BTBD9: variants seen among roughly 807,000 people sequenced by gnomAD.
BTBD9 encodes the protein BTB domain containing 9.
In BTBD9, 49 loss-of-function variants were observed where a neutral mutation model predicts 64.3. The observed-to-expected ratio is 0.76, with a 90% CI of 0.61 to 0.97. The LOEUF is 0.97. Among genes scored for constraint, BTBD9 ranks in the 50% least tolerant of loss-of-function variants. The probability of loss-of-function intolerance (pLI) is 0.00; values close to 1 mark genes in which losing one functional copy is unlikely to be tolerated. For missense variants in BTBD9, 598 were observed against 762.1 expected (o/e 0.78, Z 2.53); for synonymous variants, 260 against 274.7 (o/e 0.95, Z 0.53).
At position 38,214,010 on chromosome 6, in the gene BTBD9, A is replaced by AAATAATAATAATAAT. The variant is rs3047750; in HGVS notation, c.1563-21428_1563-21414dup. ...GACTCCATCTCAAATAAACAAACAA[A>AAATAATAATAATAAT]AATAATAATAATAATAATAATAATT... On this transcript the variant is annotated intron_variant, in intron 9 of 10. Coordinates refer to ENST00000481247, the MANE Select transcript of BTBD9 (RefSeq NM_001099272.2). Among the ~76,000 whole-genome samples, 122 of 147,618 alleles carry AAATAATAATAATAAT rather than the reference A, an allele frequency of 8.3e-4. 1 individual carries two copies. The highest frequency in any genetic ancestry group is 2.8e-3 in the African/African-American group (114 of 40,368).
intron 6 of BTBD9, among the ~76,000 whole-genome samples, chr6:38,358,782 T>A (rs74911635): frequency 3.3e-5 from 5 of 151,894 alleles, no homozygotes; most frequent in Non-Finnish European, 7.4e-5. Flanking sequence ...TTTTTTTTTT[T>A]GAGACGGAGT....
intron 6 of BTBD9, among the ~76,000 whole-genome samples, chr6:38,519,363 T>C (rs1275536877): frequency 6.6e-6 from 1 of 152,250 alleles, no homozygotes; most frequent in Non-Finnish European, 1.5e-5. Context: ...ATAATACCTA[T>C]GCTGAAGTAT....
chr6:38,327,171 T>A (rs1458273361), intron 7 of BTBD9, among the ~76,000 whole-genome samples: 1 of 152,054 alleles, frequency 6.6e-6, no homozygotes, highest in Non-Finnish European at 1.5e-5. Flanking sequence ...CTGTACCAAA[T>A]CCTGTCTTAA....
Position 38,435,580 on chromosome 6 carries a change from C to T in BTBD9, c.1155-90487G>A, listed in dbSNP as rs371688815. On this transcript the variant is annotated intron_variant, in intron 6 of 10. Transcript: ENST00000481247. ...TTTTCTTTCTTTCCTTCTTTCCTTC[C>T]TTCTTTCTTTTCTTTTCCCTCCCTT... 6.0e-4 allele frequency among the ~76,000 whole-genome samples: 88 copies of T among 146,780 alleles called. 1 individual carries two copies. The highest frequency in any genetic ancestry group is 2.1e-3 in the African/African-American group (82 of 39,578).
intron 6 of BTBD9, among the ~76,000 whole-genome samples, chr6:38,374,112 A>G (rs1008887706): frequency 1.3e-5 from 2 of 150,350 alleles, no homozygotes; most frequent in Non-Finnish European, 3.0e-5. Flanking sequence ...TCTACTAAAA[A>G]TACAAAATTA....
chr6:38,612,021 T>G (rs953368851), intron 1 of BTBD9, among the ~76,000 whole-genome samples: 4 of 152,208 alleles, frequency 2.6e-5, no homozygotes, highest in Non-Finnish European at 5.9e-5. Flanking sequence ...AACGCTATTA[T>G]CCTGAGAATC....
In BTBD9 at chr6:38,235,050, T is replaced by C. The variant is rs77460110; in HGVS notation, c.1562+21359A>G. Among the ~76,000 whole-genome samples, 1,478 of 152,370 alleles carry C rather than the reference T, an allele frequency of 9.7e-3. 18 individuals are homozygous for C. The highest frequency in any genetic ancestry group is 0.033 in the African/African-American group (1,357 of 41,580). On this transcript the variant is annotated intron_variant, in intron 9 of 10. Transcript: ENST00000481247. ...TCTGAGCCCTCCACCAGTTAAGTTC[T>C]AGTACATAGTGGGTACACAGTAACT...
intron 6 of BTBD9, among the ~76,000 whole-genome samples, chr6:38,568,333 C>G (rs767158373): frequency 6.6e-6 from 1 of 152,228 alleles, no homozygotes; most frequent in African/African-American, 2.4e-5. Flanking sequence ...GTCCCTCCAT[C>G]TTCTTGGTCA....
Position 38,265,698 on chromosome 6 carries a change from T to C in BTBD9, c.1455-9182A>G, listed in dbSNP as rs116519230. 6.9e-3 allele frequency among the ~76,000 whole-genome samples: 1,057 copies of C among 152,114 alleles called. 8 individuals carry two copies. Among genetic ancestry groups the C allele is most frequent in the African/African-American group, 0.023 (957 of 41,494 alleles). On this transcript the variant is annotated intron_variant, in intron 8 of 10. Coordinates refer to ENST00000481247, the MANE Select transcript of BTBD9 (RefSeq NM_001099272.2). Reference sequence around the variant, plus strand: ...AGGCCTGGCTAATTTTTTGTATTTTTTTGTAGAGAAGGTGATTTGCCATGT... The same window carrying C: ...AGGCCTGGCTAATTTTTTGTATTTTCTTGTAGAGAAGGTGATTTGCCATGT...
At chr6:38,335,511 C>T (rs532789484) in intron 7 of BTBD9, among the ~76,000 whole-genome samples, 13 of 152,144 alleles carry the variant, frequency 8.5e-5, no homozygotes, top group African/African-American at 3.1e-4. Flanking sequence ...CTTTAGCTTC[C>T]CAAACTGCTG....
intron 6 of BTBD9, among the ~76,000 whole-genome samples, chr6:38,506,223 T>G (rs1191578207): frequency 1.3e-5 from 2 of 152,176 alleles, no homozygotes; most frequent in Non-Finnish European, 2.9e-5. Flanking sequence ...AAACCCATCA[T>G]AAGTTGAAAA....
chr6:38,517,738 C>A (rs550375364), intron 6 of BTBD9, among the ~76,000 whole-genome samples: 3 of 152,200 alleles, frequency 2.0e-5, no homozygotes, highest in Non-Finnish European at 4.4e-5. Context: ...AAGCTGCATG[C>A]TTCCTGAGTC....
At chr6:38,623,436 G>C (rs1048971155) in intron 1 of BTBD9, among the ~76,000 whole-genome samples, 12 of 152,160 alleles carry the variant, frequency 7.9e-5, no homozygotes, top group African/African-American at 2.2e-4. Context: ...TTTTCAGACA[G>C]TTTGCAAAAA....
At chr6:38,213,209 G>A (rs2127500687) in intron 9 of BTBD9, among the ~76,000 whole-genome samples, 1 of 152,124 alleles carries the variant, frequency 6.6e-6, no homozygotes, top group East Asian at 1.9e-4. Context: ...AACCCCTGTG[G>A]GTATTTTAGA....
chr6:38,408,085 G>T (rs1359598034), intron 6 of BTBD9, among the ~76,000 whole-genome samples: 1 of 152,168 alleles, frequency 6.6e-6, no homozygotes, highest in African/African-American at 2.4e-5. Context: ...GGCAAAGCGT[G>T]GTGGCTCATG....
At position 38,560,754 on chromosome 6, in the gene BTBD9, C is replaced by T. The variant is rs113943833; in HGVS notation, c.1154+16846G>A. On this transcript the variant is annotated intron_variant, in intron 6 of 10. Transcript: ENST00000481247. ...TTCCACCCTCCCCGCTCAAGTACAC[C>T]CCAGTGTCTACTGTTCCCCTCTTTG... is the stretch of plus-strand genomic sequence containing the variant. Among the ~76,000 whole-genome samples, 809 of 152,188 alleles carry T rather than the reference C, an allele frequency of 5.3e-3. 17 individuals carry two copies. Among genetic ancestry groups the T allele is most frequent in the African/African-American group, 0.019 (776 of 41,492 alleles).
At chr6:38,535,469 T>C (rs768038161) in intron 6 of BTBD9, among the ~76,000 whole-genome samples, 12 of 152,094 alleles carry the variant, frequency 7.9e-5, no homozygotes, top group Admixed American at 4.6e-4. Flanking sequence ...ATAATCAAAA[T>C]ACCAATGACA....
Position 38,594,161 on chromosome 6 carries a change from G to A in BTBD9, c.352C>T (p.His118Tyr), listed in dbSNP as rs766414537. 1 of 1,614,176 alleles carries A rather than the reference G, an allele frequency of 6.2e-7. No homozygotes were observed. The highest frequency in any genetic ancestry group is 1.1e-5 in the South Asian group (1 of 91,084). The change falls in exon 3 of 11, where the codon CAT (histidine) becomes TAT (tyrosine). Residue 118 changes from histidine (H) to tyrosine (Y), a missense_variant. Coordinates refer to ENST00000481247, the MANE Select transcript of BTBD9 (RefSeq NM_001099272.2). Reference protein sequence around the residue: ...EVLLDFLSLAHKYGFPELEDS... With the variant: ...EVLLDFLSLAYKYGFPELEDS... Reference sequence around the variant, plus strand: ...TCTAGCTCTGGAAATCCATATTTATGAGCCAGGCTCAAAAAGTCCAGCAGC... The same window carrying A: ...TCTAGCTCTGGAAATCCATATTTATAAGCCAGGCTCAAAAAGTCCAGCAGC...
At chr6:38,294,464 T>C (rs1352345641) in intron 7 of BTBD9, among the ~76,000 whole-genome samples, 4 of 152,204 alleles carry the variant, frequency 2.6e-5, no homozygotes, top group African/African-American at 9.7e-5. Context: ...CATGGAGTAC[T>C]ATGCAGCCAT....
Sources: allele counts gnomAD v4.1 joint callset (sites outside exome capture counted in the v4.1 genomes callset), GRCh38; gene constraint gnomAD v4.1.1; transcripts MANE v1.5; gene names NCBI Gene and HGNC (gene_info 2026-07-23, HGNC 2026-07-21).